The following RANBP2 variants were observed in gnomAD, a reference collection of about 807,000 sequenced individuals.
RANBP2 encodes the protein E3 SUMO-protein ligase RanBP2.
In RANBP2, 57 loss-of-function variants were observed where a neutral mutation model predicts 303.6. The observed-to-expected ratio is 0.19, with a 90% CI of 0.15 to 0.23. RANBP2 has a LOEUF of 0.23. Ranked by LOEUF, RANBP2 falls within the 10% of genes least tolerant of loss-of-function variation. The probability of loss-of-function intolerance (pLI) is 1.00; values close to 1 mark genes in which losing one functional copy is unlikely to be tolerated. For missense variants in RANBP2, 3,138 were observed against 3,780.8 expected (o/e 0.83, Z 4.46); for synonymous variants, 1,167 against 1,301.5 (o/e 0.90, Z 2.23).
At chr2:109,370,227 GTCTC>G in the RANBP2 span, among the ~76,000 whole-genome samples, 1 of 96,642 alleles carries the variant, frequency 1.0e-5, no homozygotes, top group Admixed American at 9.1e-5. Flanking sequence ...CTCTGTCTCT[GTCTC>G]TCTCTCTCTT....
At chr2:109,160,772 G>C in the RANBP2 span, among the ~76,000 whole-genome samples, 1 of 152,216 alleles carries the variant, frequency 6.6e-6, no homozygotes, top group East Asian at 1.9e-4. Flanking sequence ...GCTGAGAAAT[G>C]TGAACATCCC....
the RANBP2 span, chr2:109,501,675 C>T: frequency 1.3e-6 from 1 of 755,446 alleles, no homozygotes; most frequent in Non-Finnish European, 2.5e-6. Flanking sequence ...CTTCTGAGAA[C>T]TGGTGCTCCC....
the RANBP2 span, among the ~76,000 whole-genome samples, chr2:109,730,645 T>C: frequency 6.6e-6 from 1 of 152,186 alleles, no homozygotes. Flanking sequence ...TTCTAGAGGC[T>C]AGAAGTCTGA....
At chr2:109,694,605 T>C in the RANBP2 span, among the ~76,000 whole-genome samples, 189 of 152,262 alleles carry the variant, frequency 1.2e-3, no homozygotes, top group African/African-American at 4.3e-3. Context: ...TAATAGGCTG[T>C]TCTCACATTG....
At chr2:108,820,021 T>TG in the RANBP2 span, among the ~76,000 whole-genome samples, 2 of 152,180 alleles carry the variant, frequency 1.3e-5, no homozygotes, top group South Asian at 4.1e-4. Context: ...AAATAAATTC[T>TG]GGAGCTGAAA....
At chr2:108,866,886 A>G in the RANBP2 span, among the ~76,000 whole-genome samples, 1 of 152,126 alleles carries the variant, frequency 6.6e-6, no homozygotes, top group Non-Finnish European at 1.5e-5. Flanking sequence ...GTCTGAAAAA[A>G]AAAAAGGAAA....
chr2:109,192,993 G>C, the RANBP2 span, among the ~76,000 whole-genome samples: 1 of 152,194 alleles, frequency 6.6e-6, no homozygotes, highest in Admixed American at 6.5e-5. Context: ...TTGTGACTTG[G>C]AAACCTGCAA....
At chr2:109,196,246 C>G in the RANBP2 span, among the ~76,000 whole-genome samples, 3 of 152,188 alleles carry the variant, frequency 2.0e-5, no homozygotes, top group African/African-American at 7.2e-5. Flanking sequence ...GACTGCCCAC[C>G]CTCCTGCATC....
At chr2:109,294,741 C>T in the RANBP2 span, among the ~76,000 whole-genome samples, 5 of 152,134 alleles carry the variant, frequency 3.3e-5, no homozygotes, top group Non-Finnish European at 5.9e-5. Context: ...GCTAGGGCCA[C>T]ACCCAAGAAA....
chr2:108,812,190 TATAGGAAGTCAGTTCTTCC>T, the RANBP2 span, among the ~76,000 whole-genome samples: 15 of 152,138 alleles, frequency 9.9e-5, no homozygotes, highest in African/African-American at 3.6e-4. Context: ...CCTTTCCATA[TATAGGAAGTCAGTTCTTCC>T]ATATATATAT....
the RANBP2 span, among the ~76,000 whole-genome samples, chr2:108,834,713 A>G: frequency 6.6e-6 from 1 of 152,192 alleles, no homozygotes; most frequent in Admixed American, 6.5e-5. Context: ...AGAATTTTTC[A>G]TTATCTGAAA....
At chr2:108,745,966 G>A (rs1696480536) in intron 7 of RANBP2, among the ~76,000 whole-genome samples, 1 of 151,086 alleles carries the variant, frequency 6.6e-6, no homozygotes, top group Non-Finnish European at 1.5e-5. Context: ...GAGCACAGTG[G>A]CATGATCATG....
At chr2:108,758,876 C>CGTG (rs1676521492) in intron 18 of RANBP2, among the ~76,000 whole-genome samples, 1 of 151,442 alleles carries the variant, frequency 6.6e-6, no homozygotes, top group Non-Finnish European at 1.5e-5. Context: ...AATTAAGAAC[C>CGTG]TACACCTCTG....
the RANBP2 span, among the ~76,000 whole-genome samples, chr2:109,401,765 T>C: frequency 6.6e-5 from 10 of 152,302 alleles, no homozygotes; most frequent in African/African-American, 2.2e-4. Flanking sequence ...CAGCCTCTCA[T>C]GTTGCCATGG....
chr2:109,636,870 G>T, the RANBP2 span, among the ~76,000 whole-genome samples: 738 of 152,008 alleles, frequency 4.9e-3, 5 homozygotes, highest in Non-Finnish European at 5.7e-3. Context: ...ACACCTGTGG[G>T]TATTTCTAGT....
rs368598843 is a variant in RANBP2 at position 108,768,003 on chromosome 2, A to G, written c.7464A>G (p.Val2488=). ...CAGATGTTATTCAGGGTGATGATGTAGCAGATGCAACTTCAGAAGTTGAAG... is the reference window on the plus strand; with the variant it reads ...CAGATGTTATTCAGGGTGATGATGTGGCAGATGCAACTTCAGAAGTTGAAG... The part of the protein sequence containing the change: ...ERTDVIQGDD[V]ADATSEVEVS... The change falls in exon 20 of 29, where the codon GTA becomes GTG. Residue 2488 remains valine (V), a synonymous_variant. Coordinates refer to ENST00000283195, the MANE Select transcript of RANBP2 (RefSeq NM_006267.5). 2.5e-5 allele frequency: 40 copies of G among 1,611,968 alleles called. No homozygotes were observed. The African/African-American group carries it at 3.7e-4, about 15-fold the overall frequency.
At chr2:108,905,262 A>G in the RANBP2 span, among the ~76,000 whole-genome samples, 3 of 152,076 alleles carry the variant, frequency 2.0e-5, no homozygotes, top group Admixed American at 2.0e-4. Context: ...TGAACTCAAC[A>G]TTTTTTGGAA....
At chr2:108,788,055 G>C (rs1679210745), downstream of RANBP2, 1 of 1,589,624 alleles carries the variant, frequency 6.3e-7, no homozygotes, top group Admixed American at 1.8e-5. Context: ...ATTTTTATCA[G>C]TCTAAGTATA....
At chr2:109,105,748 G>T in the RANBP2 span, among the ~76,000 whole-genome samples, 1 of 151,570 alleles carries the variant, frequency 6.6e-6, no homozygotes, top group African/African-American at 2.4e-5. Context: ...GTAGAGTCGG[G>T]GTGTCATCAT....
Sources: allele counts gnomAD v4.1 joint callset (sites outside exome capture counted in the v4.1 genomes callset), GRCh38; gene constraint gnomAD v4.1.1; transcripts MANE v1.5; gene names NCBI Gene and HGNC (gene_info 2026-07-23, HGNC 2026-07-21).